The following LIN54 variants were observed in gnomAD, a reference collection of about 807,000 sequenced individuals.
LIN54 encodes the protein protein lin-54 homolog.
A neutral mutation model predicts 78.7 loss-of-function variants in LIN54; 9 were observed. That is an observed-to-expected ratio of 0.11 (90% CI 0.07 to 0.20). The LOEUF is 0.20. Among genes scored for constraint, LIN54 ranks in the 10% least tolerant of loss-of-function variants. The pLI, the probability that LIN54 is intolerant of heterozygous loss-of-function variation, is 1.00. For missense variants in LIN54, 573 were observed against 889.9 expected (o/e 0.64, Z 4.53); for synonymous variants, 269 against 318.4 (o/e 0.84, Z 1.65).
At chr4:82,977,569 CA>C (rs1453336305) in intron 3 of LIN54, among the ~76,000 whole-genome samples, 2 of 152,188 alleles carry the variant, frequency 1.3e-5, no homozygotes, top group Non-Finnish European at 2.9e-5. Context: ...AGCCTACATA[CA>C]AATCAAAGCC....
At chr4:82,961,188 T>G (rs1328410448) in intron 4 of LIN54, among the ~76,000 whole-genome samples, 1 of 152,172 alleles carries the variant, frequency 6.6e-6, no homozygotes, top group Non-Finnish European at 1.5e-5. Flanking sequence ...GCAACTTACT[T>G]TGAAGTACAT....
intron 1 of LIN54, among the ~76,000 whole-genome samples, chr4:82,995,431 G>C (rs1728112436): frequency 6.7e-6 from 1 of 148,780 alleles, no homozygotes; most frequent in Non-Finnish European, 1.5e-5. Flanking sequence ...AGCCAGGATA[G>C]CTCATAAACT....
chr4:83,012,624 G>A (rs904384103), upstream of LIN54, among the ~76,000 whole-genome samples: 73 of 152,146 alleles, frequency 4.8e-4, no homozygotes, highest in African/African-American at 1.8e-3. Context: ...GGGAAGGGGC[G>A]CGGCGGACCC....
intron 4 of LIN54, among the ~76,000 whole-genome samples, chr4:82,946,979 C>T (rs905342786): frequency 6.6e-6 from 1 of 151,674 alleles, no homozygotes; most frequent in Non-Finnish European, 1.5e-5. Context: ...GTCTTGAACT[C>T]CTGACCTCAG....
chr4:82,958,693 A>ATTT (rs1450815833), intron 4 of LIN54, among the ~76,000 whole-genome samples: 2 of 151,984 alleles, frequency 1.3e-5, no homozygotes, highest in East Asian at 3.9e-4. Flanking sequence ...TTTTTGATTT[A>ATTT]TTTATTATTA....
At chr4:82,941,687 T>C (rs1211328923) in intron 5 of LIN54, among the ~76,000 whole-genome samples, 2 of 152,042 alleles carry the variant, frequency 1.3e-5, no homozygotes, top group Non-Finnish European at 2.9e-5. Flanking sequence ...AGAGAGCAGA[T>C]GCAAGAGACC....
chr4:82,972,807 C>T (rs1440452559), intron 3 of LIN54, among the ~76,000 whole-genome samples: 1 of 151,906 alleles, frequency 6.6e-6, no homozygotes, highest in Non-Finnish European at 1.5e-5. Context: ...ATGGTGAAAC[C>T]CCGTCTCTAC....
chr4:83,011,969 G>A (rs1230443088), upstream of LIN54: 11 of 941,970 alleles, frequency 1.2e-5, no homozygotes, highest in African/African-American at 1.8e-5. Flanking sequence ...AGTTAGTGTA[G>A]GAAGAGTAAG....
At chr4:82,964,034 T>C (rs1725009875) in intron 4 of LIN54, among the ~76,000 whole-genome samples, 1 of 146,648 alleles carries the variant, frequency 6.8e-6, no homozygotes, top group Admixed American at 6.8e-5. Context: ...TGAACCTCTA[T>C]ACACTTATTC....
At chr4:82,978,724 G>A (rs1726375887) in intron 3 of LIN54, among the ~76,000 whole-genome samples, 159 bp downstream of exon 3, 1 of 152,196 alleles carries the variant, frequency 6.6e-6, no homozygotes, top group African/African-American at 2.4e-5. Flanking sequence ...ATTTTCAGAT[G>A]AGGCATTTTG....
chr4:82,968,201 C>A (rs962167417), intron 4 of LIN54, among the ~76,000 whole-genome samples: 2 of 152,028 alleles, frequency 1.3e-5, no homozygotes, highest in African/African-American at 2.4e-5. Context: ...TGCCACCAAG[C>A]CCAGCTAATT....
chr4:82,984,205 T>C lies in LIN54; in HGVS notation c.640A>G (p.Thr214Ala). 6.2e-7 allele frequency: 1 copy of C among 1,614,018 alleles called. No individual in the cohort carries two copies. The highest frequency in any genetic ancestry group is 8.5e-7 in the Non-Finnish European group (1 of 1,179,994). ...TGGGTCTGTAACACAGAGGGCTGAG[T>C]TGTAGTATTAATCAGTTGACTTCCT... ...TPGSQLINTT[T>A]QPSVLQTQQL... Residue 214 changes from threonine (T) to alanine (A), a missense_variant, in exon 2 of 13, where the codon ACT becomes GCT. Physicochemically the swap from Thr to Ala is moderately conservative, Grantham distance 58. This residue lies in a region of LIN54 where 199 missense variants were observed against 260.9 expected (regional missense o/e 0.76). Transcript: ENST00000340417.
intron 4 of LIN54, among the ~76,000 whole-genome samples, chr4:82,966,347 A>G (rs577799252): frequency 6.6e-6 from 1 of 152,254 alleles, no homozygotes; most frequent in African/African-American, 2.4e-5. Context: ...ATCTGGCTGA[A>G]GTGAGGCCCC....
chr4:82,984,123 C>T, intron 2 of LIN54, 38 bp downstream of exon 2: 1 of 1,419,836 alleles, frequency 7.0e-7, no homozygotes, highest in Non-Finnish European at 9.6e-7. Flanking sequence ...TTTTTTTAAA[C>T]ATGCATTTTA....
At chr4:82,982,714 T>C (rs542394770) in intron 2 of LIN54, among the ~76,000 whole-genome samples, 1 of 152,082 alleles carries the variant, frequency 6.6e-6, no homozygotes, top group Non-Finnish European at 1.5e-5. Context: ...GAAGTAATAA[T>C]GAACAAGAAA....
chr4:83,008,905 T>C (rs545093487), intron 1 of LIN54, among the ~76,000 whole-genome samples: 2 of 152,292 alleles, frequency 1.3e-5, no homozygotes, highest in East Asian at 3.9e-4. Context: ...AAAAAGCTTT[T>C]TAATCTCCCT....
In LIN54 at chr4:82,984,601, T is replaced by C. The variant is rs771185597; in HGVS notation, c.244A>G (p.Ile82Val). ...HTNQVAVNTT[I>V]TKADSNTTVK... ...GTGGTATTAGAATCTGCTTTAGTAATTGTGGTATTCACTGCAACTTGGTTA... is the reference window on the plus strand; with the variant it reads ...GTGGTATTAGAATCTGCTTTAGTAACTGTGGTATTCACTGCAACTTGGTTA... The change falls in exon 2 of 13, where the codon ATT becomes GTT. Residue 82 changes from isoleucine (I) to valine (V), a missense_variant. Around this residue, in one of 6 missense-constraint regions of LIN54, gnomAD observed 183 missense variants for 228.4 expected, o/e 0.80. Transcript: ENST00000340417. 18 of 1,614,092 alleles carry C rather than the reference T, an allele frequency of 1.1e-5. No individual in the cohort carries two copies. The highest frequency in any genetic ancestry group is 6.8e-6 in the Non-Finnish European group (8 of 1,180,044).
chr4:82,946,187 C>G (rs1037773909), intron 5 of LIN54, 71 bp downstream of exon 5: 29 of 1,349,732 alleles, frequency 2.1e-5, no homozygotes, highest in Non-Finnish European at 2.9e-5. Flanking sequence ...AGGATTTCAG[C>G]AAGAAATGGA....
At chr4:82,957,884 C>A (rs1252711348) in intron 4 of LIN54, among the ~76,000 whole-genome samples, 1 of 152,132 alleles carries the variant, frequency 6.6e-6, no homozygotes, top group African/African-American at 2.4e-5. Flanking sequence ...CAGAAAATGC[C>A]CCTACCACAT....
Sources: gnomAD v4.1 joint callset for allele counts (sites outside exome capture counted in the v4.1 genomes callset) on GRCh38, gnomAD v4.1.1 for gene constraint, gnomAD v4.1.1 regional missense constraint, MANE v1.5 for transcripts, NCBI Gene and HGNC (gene_info 2026-07-23, HGNC 2026-07-21) for gene names.